The following PEDS1 variants were observed in gnomAD, a reference collection of about 807,000 sequenced individuals.
PEDS1 encodes the protein plasmanylethanolamine desaturase 1, also known as CarF homolog.
In PEDS1, 14 loss-of-function variants were observed where a neutral mutation model predicts 35.2. The observed-to-expected ratio is 0.40, with a 90% CI of 0.26 to 0.62. The LOEUF (loss-of-function observed/expected upper bound fraction) is 0.62, where lower values mean the gene tolerates loss of function less well. Ranked by LOEUF, PEDS1 falls within the 20% of genes least tolerant of loss-of-function variation. The pLI is 0.44. For missense variants in PEDS1, 260 were observed against 367.8 expected (o/e 0.71, Z 2.40); for synonymous variants, 152 against 152.0 (o/e 1.00, Z 0.00).
At chr20:50,148,815 G>C (rs2081371942) in intron 1 of PEDS1, among the ~76,000 whole-genome samples, 1 of 152,054 alleles carries the variant, frequency 6.6e-6, no homozygotes, top group South Asian at 2.1e-4. Flanking sequence ...AGAGCCATGG[G>C]AAGATGAGAA....
chr20:50,136,746 G>A (rs62209908), intron 2 of PEDS1, among the ~76,000 whole-genome samples: 11 of 129,420 alleles, frequency 8.5e-5, no homozygotes, highest in African/African-American at 2.6e-4. Flanking sequence ...AAAAAAAAGA[G>A]GGGAGGAAGG....
In PEDS1 at chr20:50,129,325, C is replaced by T. The variant is rs1212327680; in HGVS notation, c.478+221G>A. Among the ~76,000 whole-genome samples, 1 of 152,154 alleles carries T rather than the reference C, an allele frequency of 6.6e-6. No homozygotes were observed. The highest frequency in any genetic ancestry group is 6.5e-5 in the Admixed American group (1 of 15,280). On this transcript the variant is annotated intron_variant, in intron 4 of 5. Coordinates refer to ENST00000371652, the MANE Select transcript of PEDS1 (RefSeq NM_199129.4). The surrounding 1 kb of genome is among the most constrained non-coding windows in gnomAD (Gnocchi z 4.2). ...GCAGCTCAGCTCCCACCCAGTGAGG[C>T]CAGGTGGGAACATGGACCCAGGGGG...
rs958371988 is a variant in PEDS1 at position 50,124,280 on chromosome 20, T to G, written c.*778A>C. On this transcript the variant is annotated 3_prime_UTR_variant, in exon 6 of 6. Transcript: ENST00000371652. ...TATTAAGGCTTTCTATTATTTACATTAAACAAGCAAGCACCTTTAAAAAAA... is the reference window on the plus strand; with the variant it reads ...TATTAAGGCTTTCTATTATTTACATGAAACAAGCAAGCACCTTTAAAAAAA... 1 of 152,516 alleles carries G rather than the reference T, an allele frequency of 6.6e-6. No individual in the cohort carries two copies. Among genetic ancestry groups the G allele is most frequent in the African/African-American group, 2.4e-5 (1 of 41,370 alleles). The allele number at this position is 152,516 out of a possible 1,614,324, so 9.4% of individuals were successfully genotyped here.
At position 50,143,433 on chromosome 20, in the gene PEDS1, C is replaced by T. The variant is rs534587442; in HGVS notation, c.241+69G>A. 4.2e-5 allele frequency: 65 copies of T among 1,552,042 alleles called. No homozygotes were observed. The East Asian group carries it at 6.0e-4, about 14-fold the overall frequency. ...ATCCATGCATGTGGACACACACACGCGCCAGTTACCCGGTGGGTCCCTGGC... is the reference window on the plus strand; with the variant it reads ...ATCCATGCATGTGGACACACACACGTGCCAGTTACCCGGTGGGTCCCTGGC... On this transcript the variant is annotated intron_variant, in intron 2 of 5. Transcript: ENST00000371652.
chr20:50,152,267 C>T (rs113476195), intron 1 of PEDS1, among the ~76,000 whole-genome samples: 6 of 152,192 alleles, frequency 3.9e-5, no homozygotes, highest in African/African-American at 7.2e-5. Context: ...AAGGAAGAGA[C>T]GGCATGGAAC....
In PEDS1 at chr20:50,143,567, T is replaced by C; in HGVS notation, c.176A>G (p.His59Arg). ...SVILCFSLIA[H>R]NLVHLLLLAR... is the part of the protein sequence containing the mutation. ...CAGCAGCAGGAGATGGACCAGGTTG[T>C]GGGCGATGAGGCTGAAGCACAGGAT... The change falls in exon 2 of 6, where the codon CAC becomes CGC. Residue 59 changes from histidine (H) to arginine (R), a missense_variant. Physicochemically the swap from His to Arg is conservative, Grantham distance 29. Around this residue, in one of 4 missense-constraint regions of PEDS1, gnomAD observed 114 missense variants for 121.6 expected, o/e 0.94. Transcript: ENST00000371652. The C allele has an allele frequency of 6.2e-7, 1 of 1,613,916 alleles. No homozygotes were observed. Among genetic ancestry groups the C allele is most frequent in the Non-Finnish European group, 8.5e-7 (1 of 1,179,976 alleles).
chr20:50,145,988 C>T (rs2081341610), intron 1 of PEDS1, among the ~76,000 whole-genome samples: 2 of 152,160 alleles, frequency 1.3e-5, no homozygotes, highest in African/African-American at 2.4e-5. Context: ...CCTAAGATCC[C>T]GCTCTCGCCC....
chr20:50,146,511 G>A (rs899213429), intron 1 of PEDS1, among the ~76,000 whole-genome samples: 11 of 152,142 alleles, frequency 7.2e-5, no homozygotes, highest in African/African-American at 1.7e-4. Context: ...GCCGCTCACC[G>A]ACATACCTTG....
intron 2 of PEDS1, among the ~76,000 whole-genome samples, chr20:50,138,032 A>T (rs1178740109): frequency 6.6e-6 from 1 of 152,220 alleles, no homozygotes; most frequent in Non-Finnish European, 1.5e-5. Flanking sequence ...ATAATGTATC[A>T]ACACTGGCAC....
rs184846582 is a variant in PEDS1, at chr20:50,130,284, G to T, written c.333+572C>A. Reference sequence around the variant, plus strand: ...AGGAGAAATGCTGTTCTCCTGGAAGGAGAAGGACAGTTCTCTTTTCTTGGG... The same window carrying T: ...AGGAGAAATGCTGTTCTCCTGGAAGTAGAAGGACAGTTCTCTTTTCTTGGG... On this transcript the variant is annotated intron_variant, in intron 3 of 5. Transcript: ENST00000371652. Among the ~76,000 whole-genome samples, 10 of 152,316 alleles carry T rather than the reference G, an allele frequency of 6.6e-5. No individual in the cohort carries two copies. The East Asian group carries it at 1.9e-3, about 29-fold the overall frequency.
chr20:50,141,438 C>A lies in PEDS1; in HGVS notation c.241+2064G>T, dbSNP rs996958032. 8.5e-5 allele frequency among the ~76,000 whole-genome samples: 13 copies of A among 152,254 alleles called. 1 individual carries two copies. The highest frequency in any genetic ancestry group is 2.9e-5 in the Non-Finnish European group (2 of 68,048). ...GGTCTGGCAGGTGCTGTCCCCTCCC[C>A]GCCCCTGCTTAGTCACTGGTTTTCT... is the stretch of plus-strand genomic sequence containing the variant. On this transcript the variant is annotated intron_variant, in intron 2 of 5. Coordinates refer to ENST00000371652, the MANE Select transcript of PEDS1 (RefSeq NM_199129.4).
intron 2 of PEDS1, among the ~76,000 whole-genome samples, chr20:50,138,766 G>C (rs113593911): frequency 0.016 from 2,473 of 152,328 alleles, 25 homozygotes; most frequent in Middle Eastern, 0.031. Flanking sequence ...CAGCTTTGGG[G>C]TGGTGGCAGC....
At chr20:50,138,233 C>A (rs895556748) in intron 2 of PEDS1, among the ~76,000 whole-genome samples, 1 of 152,168 alleles carries the variant, frequency 6.6e-6, no homozygotes, top group Non-Finnish European at 1.5e-5. Flanking sequence ...CAGTAACAGG[C>A]CCCACCCCAT....
chr20:50,143,701 CTT>C (rs10574784), intron 1 of PEDS1, 80 bp from the exon 2 acceptor site: 332,533 of 1,302,248 alleles, frequency 0.26, 34,755 homozygotes, highest in African/African-American at 0.42. Flanking sequence ...CTTTTCTTTT[CTT>C]TTTTTTTTTT....
intron 1 of PEDS1, among the ~76,000 whole-genome samples, chr20:50,152,017 GA>G (rs1420765826): frequency 2.0e-5 from 3 of 152,202 alleles, no homozygotes; most frequent in African/African-American, 7.2e-5. Flanking sequence ...AACAGAGACG[GA>G]AAGTGGCTTG....
intron 5 of PEDS1, 32 bp downstream of exon 5, chr20:50,127,943 G>A: frequency 1.2e-6 from 2 of 1,603,692 alleles, no homozygotes; most frequent in Non-Finnish European, 1.7e-6. Context: ...CTGGGGTGGG[G>A]AAAGCCCATT....
intron 2 of PEDS1, among the ~76,000 whole-genome samples, chr20:50,136,049 T>C (rs2081230570): frequency 6.6e-6 from 1 of 152,172 alleles, no homozygotes; most frequent in African/African-American, 2.4e-5. Flanking sequence ...AGTCTATGTG[T>C]AGACATCCAC....
intron 2 of PEDS1, among the ~76,000 whole-genome samples, chr20:50,137,118 T>C (rs114713505): frequency 0.018 from 2,695 of 151,892 alleles, 69 homozygotes; most frequent in African/African-American, 0.056. Flanking sequence ...CAGACTGGAG[T>C]GTGGCGGTGC....
Position 50,127,463 on chromosome 20 carries a change from T to C in PEDS1, c.691+512A>G, listed in dbSNP as rs550090534. ...TTCAAGCAATTCTCTTGCCTCAGCC[T>C]CCCGAGTAGCTGGGATTACAGGTGC... On this transcript the variant is annotated intron_variant, in intron 5 of 5. Transcript: ENST00000371652. 5.5e-5 allele frequency among the ~76,000 whole-genome samples: 8 copies of C among 146,398 alleles called. 2 individuals carry two copies. The highest frequency in any genetic ancestry group is 2.0e-4 in the African/African-American group (8 of 39,832).
Sources: gnomAD v4.1 joint callset for allele counts (sites outside exome capture counted in the v4.1 genomes callset) on GRCh38, gnomAD v4.1.1 for gene constraint, gnomAD v4.1.1 regional missense constraint, Gnocchi (gnomAD v3.1) non-coding constraint, MANE v1.5 for transcripts, NCBI Gene and HGNC (gene_info 2026-07-23, HGNC 2026-07-21) for gene names.